Variants in SORCS1 observed in about 807,000 individuals in gnomAD.
SORCS1 encodes the protein VPS10 domain-containing receptor SorCS1.
Under a neutral mutation model 146.1 loss-of-function variants are expected in SORCS1, and 60 were observed. The ratio of observed to expected loss-of-function variants is 0.41; its 90% CI spans 0.33 to 0.51. The LOEUF is 0.51. Ranked by LOEUF, SORCS1 falls within the 20% of genes least tolerant of loss-of-function variation. The probability of loss-of-function intolerance (pLI) is 0.21; values close to 1 mark genes in which losing one functional copy is unlikely to be tolerated. For missense variants in SORCS1, 1,352 were observed against 1,487.6 expected (o/e 0.91, Z 1.50); for synonymous variants, 637 against 584.0 (o/e 1.09, Z -1.31).
chr10:106,962,566 C>T (rs1388377716), intron 1 of SORCS1, among the ~76,000 whole-genome samples: 2 of 152,102 alleles, frequency 1.3e-5, no homozygotes, highest in Admixed American at 6.5e-5. Flanking sequence ...TTAGAGTACA[C>T]AATCCCAAAA....
upstream of SORCS1, among the ~76,000 whole-genome samples, chr10:107,165,850 G>A (rs1273283892): frequency 2.0e-5 from 3 of 152,178 alleles, no homozygotes; most frequent in Middle Eastern, 3.4e-3. The surrounding 1 kb of genome is among the most constrained non-coding windows in gnomAD (Gnocchi z 4.0). Context: ...AAATTAAATG[G>A]TCACATTAGA....
chr10:106,935,457 G>A (rs1953663704), intron 2 of SORCS1, among the ~76,000 whole-genome samples: 2 of 152,118 alleles, frequency 1.3e-5, no homozygotes, highest in African/African-American at 4.8e-5. Flanking sequence ...TGACCTGTCT[G>A]GGTCTACCTG....
At chr10:106,689,622 C>T (rs1318005876) in intron 9 of SORCS1, among the ~76,000 whole-genome samples, 1 of 152,148 alleles carries the variant, frequency 6.6e-6, no homozygotes, top group Non-Finnish European at 1.5e-5. Context: ...CGCCAAACGC[C>T]AAGCACTATG....
intron 2 of SORCS1, among the ~76,000 whole-genome samples, chr10:106,833,713 G>C (rs1209546311): frequency 6.6e-6 from 1 of 152,140 alleles, no homozygotes; most frequent in Non-Finnish European, 1.5e-5. Flanking sequence ...TGCCAATCAG[G>C]CTGCTCCCCA....
chr10:107,099,032 CATTA>C (rs1347136846), intron 1 of SORCS1, among the ~76,000 whole-genome samples: 3 of 152,118 alleles, frequency 2.0e-5, no homozygotes, highest in Non-Finnish European at 2.9e-5. Context: ...TTATGGTGTC[CATTA>C]ATTAAGGAAG....
At chr10:106,788,834 C>T (rs1222593623) in intron 3 of SORCS1, among the ~76,000 whole-genome samples, 4 of 152,208 alleles carry the variant, frequency 2.6e-5, no homozygotes, top group African/African-American at 7.2e-5. Flanking sequence ...CCTCTTCTTA[C>T]AGCACCAATA....
rs528040832 is a variant in SORCS1 at position 106,839,574 on chromosome 10, T to C, written c.627-9901A>G. On this transcript the variant is annotated intron_variant, in intron 2 of 25. Transcript: ENST00000263054. Reference sequence around the variant, plus strand: ...CTGATACAGACACTGCATCAGGTTATACAGAAAATCTAGCTAAGATCATTG... The same window carrying C: ...CTGATACAGACACTGCATCAGGTTACACAGAAAATCTAGCTAAGATCATTG... Among the ~76,000 whole-genome samples the C allele has an allele frequency of 6.0e-4, 91 of 152,344 alleles. 1 individual carries two copies. The highest frequency in any genetic ancestry group is 1.1e-3 in the Non-Finnish European group (78 of 68,032).
chr10:107,033,537 G>C (rs554028775), intron 1 of SORCS1, among the ~76,000 whole-genome samples: 3 of 152,324 alleles, frequency 2.0e-5, no homozygotes, highest in Non-Finnish European at 4.4e-5. Context: ...GGTGATGATA[G>C]AGAACTCAAA....
In SORCS1 at chr10:106,944,871, C is replaced by CTTT. The variant is rs1564838013; in HGVS notation, c.626+11641_626+11642insAAA. ...ATGGTAGAAAGAAGCAAGAAAGAGC[C>CTTT]TTCTTTTTTTTTTTTTTTTTTTTTT... On this transcript the variant is annotated intron_variant, in intron 2 of 25. Transcript: ENST00000263054. 2.7e-3 allele frequency among the ~76,000 whole-genome samples: 162 copies of CTTT among 60,998 alleles called. 20 individuals carry two copies. Among genetic ancestry groups the CTTT allele is most frequent in the African/African-American group, 6.9e-3 (154 of 22,364 alleles). The allele number at this position is 60,998 out of a possible 152,430, so 40.0% of individuals were successfully genotyped here.
intron 1 of SORCS1, among the ~76,000 whole-genome samples, chr10:107,031,922 A>G (rs191243348): frequency 1.3e-3 from 203 of 152,328 alleles, no homozygotes; most frequent in African/African-American, 4.7e-3. Context: ...CCAAAGCCAG[A>G]AATCTGGACT....
At chr10:106,715,245 A>C (rs1438586722) in intron 6 of SORCS1, among the ~76,000 whole-genome samples, 1 of 152,074 alleles carries the variant, frequency 6.6e-6, no homozygotes, top group Non-Finnish European at 1.5e-5. Flanking sequence ...ATTAATGTCA[A>C]TTAATGCATG....
chr10:106,651,271 C>A (rs1206106942), intron 18 of SORCS1, among the ~76,000 whole-genome samples: 2 of 152,192 alleles, frequency 1.3e-5, no homozygotes, highest in Non-Finnish European at 2.9e-5. Flanking sequence ...ACAAAGCAAT[C>A]ATAATTGCTT....
chr10:107,169,799 CCT>C, the SORCS1 span, among the ~76,000 whole-genome samples: 2 of 152,076 alleles, frequency 1.3e-5, no homozygotes, highest in African/African-American at 4.8e-5. Context: ...CCTTTTCCCC[CCT>C]GTTTTGTCCA....
intron 17 of SORCS1, among the ~76,000 whole-genome samples, chr10:106,658,187 C>G (rs1390495012): frequency 6.6e-6 from 1 of 152,082 alleles, no homozygotes; most frequent in Non-Finnish European, 1.5e-5. Context: ...ATGCATTTTT[C>G]TAGCATCATC....
chr10:106,755,559 A>C (rs566943419), intron 5 of SORCS1, among the ~76,000 whole-genome samples: 1 of 151,998 alleles, frequency 6.6e-6, no homozygotes, highest in African/African-American at 2.4e-5. Context: ...AAGAAAACCC[A>C]TCTTCCCTTA....
the SORCS1 span, among the ~76,000 whole-genome samples, chr10:107,176,661 T>A: frequency 6.6e-6 from 1 of 152,190 alleles, no homozygotes; most frequent in Admixed American, 6.6e-5. Flanking sequence ...ATTATGTTTT[T>A]AAATTTTTGT....
intron 1 of SORCS1, among the ~76,000 whole-genome samples, chr10:107,151,785 A>G (rs1968819748): frequency 1.3e-5 from 2 of 152,214 alleles, no homozygotes; most frequent in African/African-American, 4.8e-5. Context: ...TAAATGATTT[A>G]GGGTATCTGG....
intron 5 of SORCS1, among the ~76,000 whole-genome samples, chr10:106,733,525 C>T (rs2136039573): frequency 6.6e-6 from 1 of 152,292 alleles, no homozygotes; most frequent in South Asian, 2.1e-4. Context: ...GCAGTTGACC[C>T]AAATGATATC....
chr10:107,071,599 T>A (rs1029913451), intron 1 of SORCS1, among the ~76,000 whole-genome samples: 1 of 152,216 alleles, frequency 6.6e-6, no homozygotes, highest in Non-Finnish European at 1.5e-5. Flanking sequence ...GCGCACCACA[T>A]CCCTGGAAAA....
Sources: allele counts gnomAD v4.1 joint callset (sites outside exome capture counted in the v4.1 genomes callset), GRCh38; gene constraint gnomAD v4.1.1; non-coding constraint Gnocchi (gnomAD v3.1); transcripts MANE v1.5; gene names NCBI Gene and HGNC (gene_info 2026-07-23, HGNC 2026-07-21).